Variants in DUOX1 observed in about 807,000 individuals in gnomAD.
DUOX1 encodes dual oxidase 1.
Under a neutral mutation model 181.8 loss-of-function variants are expected in DUOX1, and 134 were observed. That is an observed-to-expected ratio of 0.74 (90% CI 0.64 to 0.85). DUOX1 has a LOEUF of 0.85. DUOX1 is among the 40% of genes least tolerant of loss of function. The pLI, the probability that DUOX1 is intolerant of heterozygous loss-of-function variation, is 0.00. For synonymous variants in DUOX1, 798 were observed against 832.5 expected (o/e 0.96, Z 0.71); for missense variants, 1,814 against 2,064.4 (o/e 0.88, Z 2.35).
chr15:45,150,487 T>C (rs907978856), intron 21 of DUOX1, 145 bp from the exon 22 acceptor site: 8 of 720,810 alleles, frequency 1.1e-5, no homozygotes, highest in Non-Finnish European at 4.7e-6. Flanking sequence ...AGGGCTGAGG[T>C]TGGAGCACCC....
rs573367140 is a variant in DUOX1 at position 45,149,057 on chromosome 15, G to T, written c.2818+610G>T. Reference sequence around the variant, plus strand: ...CTGATTCAAGTGGGTGGGGGCTAGAGTTAGAGTGAGGAATGGGCAAGCAGC... The same window carrying T: ...CTGATTCAAGTGGGTGGGGGCTAGATTTAGAGTGAGGAATGGGCAAGCAGC... On this transcript the variant is annotated intron_variant, in intron 21 of 33. Transcript: ENST00000389037. Among the ~76,000 whole-genome samples, 113 of 152,296 alleles carry T rather than the reference G, an allele frequency of 7.4e-4. 2 individuals carry two copies. Among genetic ancestry groups the T allele is most frequent in the African/African-American group, 2.7e-3 (112 of 41,564 alleles).
Position 45,153,936 on chromosome 15 carries a change from G to A in DUOX1, c.3525-15G>A, listed in dbSNP as rs377215536. On this transcript the variant is annotated splice_polypyrimidine_tract_variant and intron_variant, in intron 26 of 33. Coordinates refer to ENST00000389037, the MANE Select transcript of DUOX1 (RefSeq NM_175940.3). ...TCTCCTCTCAAGGTGTCTCTTTGCT[G>A]TCCCTTCCACACAGGTCTGAGCTCC... 23 of 1,609,364 alleles carry A rather than the reference G, an allele frequency of 1.4e-5. No individual in the cohort carries two copies. Among genetic ancestry groups the A allele is most frequent in the South Asian group, 6.6e-5 (6 of 90,986 alleles).
At chr15:45,160,565 C>T (rs779708555) in intron 28 of DUOX1, among the ~76,000 whole-genome samples, 6 of 110,258 alleles carry the variant, frequency 5.4e-5, no homozygotes, top group Admixed American at 1.0e-4. Flanking sequence ...CCTACTTCCA[C>T]TGGAAGGCTC....
chr15:45,139,858 C>A, intron 12 of DUOX1: 1 of 578,730 alleles, frequency 1.7e-6, no homozygotes. Flanking sequence ...ACTTAATAGT[C>A]ACTATCTTAT....
Position 45,135,279 on chromosome 15 carries a change from T to C in DUOX1, c.483T>C (p.Asn161=), listed in dbSNP as rs113882937. Residue 161 remains asparagine, a synonymous_variant, in exon 5 of 34, where the codon AAT becomes AAC. Transcript: ENST00000389037. ...CCGAGACCGGACGGAGTCCCAGCAATCCCCGGGACCCGGTGAGGCGGGGAA... is the reference window on the plus strand; with the variant it reads ...CCGAGACCGGACGGAGTCCCAGCAACCCCCGGGACCCGGTGAGGCGGGGAA... ...WDPETGRSPS[N]PRDPANQVTG... is the part of the protein sequence containing the mutation. 8.1e-3 allele frequency: 12,992 copies of C among 1,610,312 alleles called. 598 individuals are homozygous for C. In the African/African-American group the frequency reaches 0.1, roughly 13 times the overall value.
At chr15:45,132,959 C>CCG (rs1491315687) in intron 2 of DUOX1, among the ~76,000 whole-genome samples, 1 of 152,156 alleles carries the variant, frequency 6.6e-6, no homozygotes, top group Non-Finnish European at 1.5e-5. Context: ...ATTTTCCCCC[C>CCG]TGACTCTCTG....
chr15:45,148,492 G>T, intron 21 of DUOX1, 45 bp downstream of exon 21: 1 of 1,570,438 alleles, frequency 6.4e-7, no homozygotes, highest in Non-Finnish European at 8.7e-7. Flanking sequence ...GTTAGGCATA[G>T]TAGGCACAAT....
Position 45,160,871 on chromosome 15 carries a change from T to C in DUOX1, c.3737T>C (p.Leu1246Pro). 6.2e-7 allele frequency: 1 copy of C among 1,612,744 alleles called. No individual in the cohort carries two copies. The highest frequency in any genetic ancestry group is 8.5e-7 in the Non-Finnish European group (1 of 1,179,044). Residue 1246 changes from leucine to proline, a missense_variant, in exon 29 of 34, where the codon CTG (leucine) becomes CCG (proline). Leu to Pro is a moderately conservative substitution (Grantham distance 98). This residue lies in a region of DUOX1 where 279 missense variants were observed against 381.9 expected (regional missense o/e 0.73). Coordinates refer to ENST00000389037, the MANE Select transcript of DUOX1 (RefSeq NM_175940.3). Reference sequence around the variant, plus strand: ...CATGGTAGCTTTGCCCTGATCCAGCTGCCCCGTTTCCACATCTTCTTCCTG... The same window carrying C: ...CATGGTAGCTTTGCCCTGATCCAGCCGCCCCGTTTCCACATCTTCTTCCTG... ...IIHGSFALIQ[L>P]PRFHIFFLVP...
rs2141277462 is a variant in DUOX1, at chr15:45,147,442, A to G, written c.2332A>G (p.Ile778Val). 6.2e-7 allele frequency: 1 copy of G among 1,613,470 alleles called. No homozygotes were observed. The highest frequency in any genetic ancestry group is 1.7e-5 in the Admixed American group (1 of 59,930). Residue 778 changes from isoleucine (I) to valine (V), a missense_variant, in exon 19 of 34, where the codon ATC becomes GTC. Around this residue, in one of 5 missense-constraint regions of DUOX1, gnomAD observed 1,064 missense variants for 1,152.9 expected, o/e 0.92. Coordinates refer to ENST00000389037, the MANE Select transcript of DUOX1 (RefSeq NM_175940.3). ...FRHLFSQVLD[I>V]NQADAGTLPL... The stretch of plus-strand genomic sequence containing the variant: ...TTCTGCCCAAGTGCAGGTGCTGGAC[A>G]TCAACCAGGCCGACGCAGGGACCCT...
intron 29 of DUOX1, among the ~76,000 whole-genome samples, chr15:45,161,456 G>C (rs1434106804): frequency 7.0e-6 from 1 of 142,470 alleles, no homozygotes; most frequent in East Asian, 2.0e-4. Context: ...GAGGGAGGGA[G>C]GGAGGGAGGA....
At chr15:45,152,195 G>T in intron 24 of DUOX1, 91 bp from the exon 25 acceptor site, 1 of 1,473,348 alleles carries the variant, frequency 6.8e-7, no homozygotes. Flanking sequence ...GAGGCCTGTT[G>T]TGAGTGGCAG....
intron 10 of DUOX1, 96 bp downstream of exon 10, chr15:45,138,110 G>GTGTA: frequency 1.0e-6 from 1 of 991,012 alleles, no homozygotes; most frequent in South Asian, 2.4e-5. Flanking sequence ...GTGTGTGAGT[G>GTGTA]CATGGTGAAA....
At chr15:45,163,301 G>A (rs1320340789) in intron 31 of DUOX1, among the ~76,000 whole-genome samples, 2 of 152,178 alleles carry the variant, frequency 1.3e-5, no homozygotes, top group Non-Finnish European at 2.9e-5. Flanking sequence ...AATCACCAAG[G>A]GATCTTTCCC....
intron 29 of DUOX1, among the ~76,000 whole-genome samples, chr15:45,161,529 G>C (rs1216577376): frequency 6.6e-6 from 1 of 151,796 alleles, no homozygotes; most frequent in Admixed American, 6.6e-5. Flanking sequence ...TCATCGCAGA[G>C]AGCAGAGAAG....
intron 21 of DUOX1, 197 bp from the exon 22 acceptor site, chr15:45,150,435 T>C (rs974678812): frequency 5.2e-6 from 3 of 580,892 alleles, no homozygotes; most frequent in Non-Finnish European, 6.1e-6. Flanking sequence ...TCAGGCCTTT[T>C]CCCTGCCCAC....
rs763853918 is a variant in DUOX1, at chr15:45,163,787, T to C, written c.4405-3T>C. 21 of 1,614,060 alleles carry C rather than the reference T, an allele frequency of 1.3e-5. No homozygotes were observed. Among genetic ancestry groups the C allele is most frequent in the East Asian group, 2.2e-5 (1 of 44,866 alleles). ...AACTTTGTTCCACCCTTCCCTACCA[T>C]AGTACATCTGTGAGCGGCACTTCCA... On this transcript the variant is annotated splice_polypyrimidine_tract_variant and splice_region_variant and intron_variant, in intron 32 of 33. Coordinates refer to ENST00000389037, the MANE Select transcript of DUOX1 (RefSeq NM_175940.3).
intron 25 of DUOX1, chr15:45,152,756 C>A (rs372881881): frequency 2.7e-5 from 16 of 592,648 alleles, no homozygotes; most frequent in Middle Eastern, 4.4e-4. Flanking sequence ...TACTAACACC[C>A]CAGAATGAGT....
In DUOX1 at chr15:45,163,513, T is replaced by C; in HGVS notation, c.4249-19T>C. On this transcript the variant is annotated intron_variant, in intron 31 of 33. Transcript: ENST00000389037. ...GACTGAGCTGAGATGGGTCCTGAAC[T>C]CCAGCCCTGTGTCCCCAGATCTACT... 1 of 1,613,544 alleles carries C rather than the reference T, an allele frequency of 6.2e-7. No individual in the cohort carries two copies. The highest frequency in any genetic ancestry group is 1.1e-5 in the South Asian group (1 of 91,040).
intron 12 of DUOX1, 44 bp downstream of exon 12, chr15:45,139,643 G>A (rs774511592): frequency 1.3e-6 from 2 of 1,508,212 alleles, no homozygotes; most frequent in Non-Finnish European, 8.9e-7. Flanking sequence ...GGAGGGACAA[G>A]GCACGTGGGC....
Sources: allele counts gnomAD v4.1 joint callset (sites outside exome capture counted in the v4.1 genomes callset), GRCh38; gene constraint gnomAD v4.1.1; regional missense constraint gnomAD v4.1.1; transcripts MANE v1.5; gene names NCBI Gene and HGNC (gene_info 2026-07-23, HGNC 2026-07-21).